The following NSMAF variants were observed in gnomAD, a reference collection of about 807,000 sequenced individuals.
The protein encoded by NSMAF is protein FAN.
A neutral mutation model predicts 134.9 loss-of-function variants in NSMAF; 90 were observed. That is an observed-to-expected ratio of 0.67 (90% CI 0.56 to 0.79). The LOEUF (loss-of-function observed/expected upper bound fraction) is 0.79, where lower values mean the gene tolerates loss of function less well. Among genes scored for constraint, NSMAF ranks in the 30% least tolerant of loss-of-function variants. NSMAF has a pLI of 0.00. For missense variants in NSMAF, 1,010 were observed against 1,119.0 expected, an observed-to-expected ratio of 0.90 and a Z score of 1.39; for synonymous variants, 358 against 389.6, an observed-to-expected ratio of 0.92 and a Z score of 0.96.
At chr8:58,589,053 G>A (rs1805960943) in intron 26 of NSMAF, among the ~76,000 whole-genome samples, 1 of 150,440 alleles carries the variant, frequency 6.6e-6, no homozygotes, top group African/African-American at 2.4e-5. Context: ...ATAAGGAAGT[G>A]TTTTTTTTAA....
rs375433730 is a variant in NSMAF at position 58,638,341 on chromosome 8, G to A, written c.150-2795C>T. Among the ~76,000 whole-genome samples the A allele has an allele frequency of 2.0e-4, 31 of 152,224 alleles. No individual in the cohort carries two copies. The East Asian group carries it at 3.3e-3, about 16-fold the overall frequency. On this transcript the variant is annotated intron_variant, in intron 2 of 30. Transcript: ENST00000038176. ...ATTACAGGTGCAAGCCACCATGCCT[G>A]GTCCAGAGTAATCTTGAACAAGAAG...
intron 5 of NSMAF, among the ~76,000 whole-genome samples, chr8:58,631,884 C>T (rs918451762): frequency 1.8e-4 from 27 of 151,968 alleles, no homozygotes; most frequent in African/African-American, 6.3e-4. Context: ...TTTTAAGAAA[C>T]GGGTAAAACA....
chr8:58,589,973 G>T, intron 25 of NSMAF, 34 bp downstream of exon 25: 1 of 1,580,078 alleles, frequency 6.3e-7, no homozygotes. Context: ...TATTCTGCAC[G>T]TCGAATCACA....
intron 6 of NSMAF, among the ~76,000 whole-genome samples, chr8:58,626,252 C>T (rs900076764): frequency 2.5e-4 from 37 of 150,030 alleles, no homozygotes; most frequent in Admixed American, 2.3e-3. Context: ...GCACTTGCCT[C>T]GCCCGGCTAA....
chr8:58,599,129 C>T, intron 19 of NSMAF, 103 bp downstream of exon 19: 1 of 1,153,552 alleles, frequency 8.7e-7, no homozygotes, highest in Non-Finnish European at 1.2e-6. Flanking sequence ...ATTGCTTTGG[C>T]CTCATTTTTT....
In NSMAF at chr8:58,586,530, G is replaced by A; in HGVS notation, c.2374C>T (p.Leu792Phe). 1 of 1,614,030 alleles carries A rather than the reference G, an allele frequency of 6.2e-7. No individual in the cohort carries two copies. Among genetic ancestry groups the A allele is most frequent in the Non-Finnish European group, 8.5e-7 (1 of 1,179,960 alleles). The change falls in exon 28 of 31, where the codon CTC becomes TTC. Residue 792 changes from leucine to phenylalanine, a missense_variant. Leu to Phe is a conservative substitution (Grantham distance 22). Transcript: ENST00000038176. ...TGGTGCATTAAGGTGGCCGTTGTGA[G>A]GTCCCAAATATTCACTGTGCCTTCT... ...TKEGTVNIWD[L>F]TTATLMHQIP...
chr8:58,596,430 G>C (rs79584150), intron 21 of NSMAF, among the ~76,000 whole-genome samples: 1,569 of 152,246 alleles, frequency 0.01, 41 homozygotes, highest in African/African-American at 0.036. Context: ...CTGTAGGTTT[G>C]AAGTTGTCTT....
At chr8:58,587,781 T>A in intron 26 of NSMAF, 80 bp from the exon 27 acceptor site, 6 of 1,179,698 alleles carry the variant, frequency 5.1e-6, no homozygotes, top group Non-Finnish European at 4.9e-6. Flanking sequence ...GAAAAACTCC[T>A]ATGCTCAATT....
intron 9 of NSMAF, among the ~76,000 whole-genome samples, chr8:58,614,370 T>A (rs1284415481): frequency 1.3e-5 from 2 of 152,156 alleles, no homozygotes; most frequent in African/African-American, 4.8e-5. Flanking sequence ...TCTCTGTAAC[T>A]AGTGACTTCA....
Position 58,623,330 on chromosome 8 carries a change from T to C in NSMAF, c.504+47A>G, listed in dbSNP as rs1244225681. ...TAAGTATTTATAAGTAAAATATCAATACAAGTTAATTGACAATCAAAGACA... is the reference window on the plus strand; with the variant it reads ...TAAGTATTTATAAGTAAAATATCAACACAAGTTAATTGACAATCAAAGACA... On this transcript the variant is annotated intron_variant, in intron 8 of 30. Coordinates refer to ENST00000038176, the MANE Select transcript of NSMAF (RefSeq NM_003580.4). The C allele has an allele frequency of 5.0e-6, 8 of 1,605,448 alleles. No homozygotes were observed. In the East Asian group the frequency reaches 1.3e-4, roughly 27 times the overall value.
intron 16 of NSMAF, among the ~76,000 whole-genome samples, chr8:58,600,639 A>AAAAAAAATAAAAT (rs1428887613): frequency 2.0e-5 from 3 of 150,588 alleles, no homozygotes; most frequent in African/African-American, 4.9e-5. Context: ...AAAAAAAAAA[A>AAAAAAAATAAAAT]AAAAAAAGAT....
intron 26 of NSMAF, among the ~76,000 whole-genome samples, chr8:58,588,140 G>T (rs1805933746): frequency 6.6e-6 from 1 of 152,164 alleles, no homozygotes; most frequent in South Asian, 2.1e-4. Flanking sequence ...ACAATTTTAG[G>T]TTCTTGCTTT....
At chr8:58,606,899 T>C (rs185489907) in intron 11 of NSMAF, among the ~76,000 whole-genome samples, 2 of 152,334 alleles carry the variant, frequency 1.3e-5, no homozygotes, top group Admixed American at 6.5e-5. Flanking sequence ...GCCTGTTACA[T>C]AGAAAGCACT....
intron 2 of NSMAF, chr8:58,637,476 T>C (rs1807202926): frequency 2.3e-6 from 1 of 441,694 alleles, no homozygotes; most frequent in Non-Finnish European, 4.6e-6. Context: ...CTATTCAACA[T>C]AGTACTGGAA....
At chr8:58,592,340 G>GA (rs944019197) in intron 23 of NSMAF, among the ~76,000 whole-genome samples, 41 of 150,594 alleles carry the variant, frequency 2.7e-4, no homozygotes, top group Admixed American at 9.3e-4. Context: ...AATAATAAAA[G>GA]AAAAAAAAAG....
Position 58,601,352 on chromosome 8 carries a change from G to C in NSMAF, c.1217-4C>G, listed in dbSNP as rs772422013. On this transcript the variant is annotated splice_region_variant and splice_polypyrimidine_tract_variant and intron_variant, in intron 15 of 30. Transcript: ENST00000038176. ...AGGCACAGCATATACTCTGGTGCTA[G>C]AGGGGAAAAAGTCAGAGGTAAGTCA... The C allele has an allele frequency of 8.7e-6, 14 of 1,613,830 alleles. 1 individual carries two copies. The South Asian group carries it at 1.5e-4, about 18-fold the overall frequency.
At chr8:58,589,055 T>G (rs1183421619) in intron 26 of NSMAF, among the ~76,000 whole-genome samples, 1 of 151,294 alleles carries the variant, frequency 6.6e-6, no homozygotes, top group Admixed American at 6.6e-5. Context: ...AAGGAAGTGT[T>G]TTTTTTAAAC....
At chr8:58,659,028 C>A (rs1807788635) in intron 1 of NSMAF, among the ~76,000 whole-genome samples, 1 of 152,172 alleles carries the variant, frequency 6.6e-6, no homozygotes, top group African/African-American at 2.4e-5. Flanking sequence ...TGGAGCTAGT[C>A]CTGTGTCTAA....
chr8:58,614,745 G>C (rs955443064), intron 9 of NSMAF, among the ~76,000 whole-genome samples: 11 of 152,066 alleles, frequency 7.2e-5, no homozygotes, highest in African/African-American at 2.7e-4. Flanking sequence ...AGATTCTCCT[G>C]TTTTAACCCA....
Sources: gnomAD v4.1 joint callset for allele counts (sites outside exome capture counted in the v4.1 genomes callset) on GRCh38, gnomAD v4.1.1 for gene constraint, MANE v1.5 for transcripts, NCBI Gene and HGNC (gene_info 2026-07-23, HGNC 2026-07-21) for gene names.